LIN52: variants seen among roughly 807,000 people sequenced by gnomAD.
LIN52 encodes lin-52 DREAM MuvB core complex component.
In LIN52, 4 loss-of-function variants were observed where a neutral mutation model predicts 18.5. The observed-to-expected ratio is 0.22, with a 90% CI of 0.11 to 0.49. LIN52 has a LOEUF of 0.49. Among genes scored for constraint, LIN52 ranks in the 20% least tolerant of loss-of-function variants. LIN52 has a pLI of 0.97. For synonymous variants in LIN52, 34 were observed against 45.5 expected (o/e 0.75, Z 1.02); for missense variants, 102 against 139.5 (o/e 0.73, Z 1.35).
intron 5 of LIN52, among the ~76,000 whole-genome samples, chr14:74,175,271 A>ATTT (rs946095847): frequency 6.7e-6 from 1 of 149,716 alleles, no homozygotes; most frequent in Admixed American, 6.7e-5. Context: ...TAAACTTCTA[A>ATTT]TTTTTTTTTT....
chr14:74,097,697 C>A, intron 3 of LIN52, 97 bp from the exon 4 acceptor site: 3 of 844,766 alleles, frequency 3.6e-6, no homozygotes, highest in Non-Finnish European at 5.7e-6. Context: ...CCCACCTTGG[C>A]AGCCACCGCA....
intron 1 of LIN52, among the ~76,000 whole-genome samples, chr14:74,088,662 T>C (rs895400713): frequency 3.9e-5 from 6 of 152,372 alleles, no homozygotes; most frequent in Non-Finnish European, 7.3e-5. Flanking sequence ...TCCTTTGGAA[T>C]ATTTGGCAAA....
At chr14:74,093,302 C>T (rs2060785515) in intron 2 of LIN52, among the ~76,000 whole-genome samples, 1 of 149,392 alleles carries the variant, frequency 6.7e-6, no homozygotes, top group Non-Finnish European at 1.5e-5. Context: ...AAAGCGTTTT[C>T]TCACCTTTTT....
chr14:74,103,332 G>T (rs2060872458), intron 5 of LIN52, among the ~76,000 whole-genome samples: 2 of 151,890 alleles, frequency 1.3e-5, no homozygotes, highest in Non-Finnish European at 1.5e-5. Flanking sequence ...GCTCACCTTG[G>T]CCTCCCAAAG....
chr14:74,119,160 CTTT>C (rs543503099), intron 5 of LIN52, among the ~76,000 whole-genome samples: 7 of 115,438 alleles, frequency 6.1e-5, no homozygotes, highest in Non-Finnish European at 8.8e-5. Flanking sequence ...GATTTTCTTT[CTTT>C]TTTTTTTTTT....
intron 2 of LIN52, 48 bp downstream of exon 2, chr14:74,091,354 G>T (rs760034730): frequency 8.2e-7 from 1 of 1,220,030 alleles, no homozygotes; most frequent in South Asian, 1.4e-5. Context: ...GAGAAACAAT[G>T]TTCCTTTTTA....
chr14:74,139,015 A>G (rs191866176), intron 5 of LIN52, among the ~76,000 whole-genome samples: 129 of 150,406 alleles, frequency 8.6e-4, no homozygotes, highest in African/African-American at 3.1e-3. Flanking sequence ...GGTGTCATCA[A>G]GGACTAAAGT....
intron 4 of LIN52, among the ~76,000 whole-genome samples, chr14:74,099,631 GT>G (rs893694225): frequency 1.3e-5 from 2 of 150,772 alleles, no homozygotes; most frequent in Non-Finnish European, 1.5e-5. Context: ...AGAGACTGGA[GT>G]TTTTTTTATT....
rs2060852366 is a variant in LIN52 at position 74,101,232 on chromosome 14, G to A, written c.277G>A (p.Asp93Asn). 4 of 1,607,598 alleles carry A rather than the reference G, an allele frequency of 2.5e-6. No individual in the cohort carries two copies. The highest frequency in any genetic ancestry group is 2.5e-6 in the Non-Finnish European group (3 of 1,177,842). ...GAACCTAGCCTATCAGCTGGGGCTGGATGAGTGTGAGTACCCCGATCGCAT... is the reference window on the plus strand; with the variant it reads ...GAACCTAGCCTATCAGCTGGGGCTGAATGAGTGTGAGTACCCCGATCGCAT... ...LQNLAYQLGL[D>N]ESREMTRGKF... Residue 93 changes from aspartate to asparagine, a missense_variant, in exon 5 of 6, where the codon GAT becomes AAT. Physicochemically the swap from Asp to Asn is conservative, Grantham distance 23. Coordinates refer to ENST00000555028, the MANE Select transcript of LIN52 (RefSeq NM_001024674.3).
At chr14:74,180,889 A>C (rs2061315553) in intron 5 of LIN52, among the ~76,000 whole-genome samples, 1 of 152,026 alleles carries the variant, frequency 6.6e-6, no homozygotes, top group Non-Finnish European at 1.5e-5. Context: ...CGGGAGAATC[A>C]CTTGAGCCAA....
intron 5 of LIN52, among the ~76,000 whole-genome samples, chr14:74,140,015 TTATA>T (rs2061120916): frequency 6.6e-6 from 1 of 152,140 alleles, no homozygotes; most frequent in African/African-American, 2.4e-5. Context: ...AGTGTATAGA[TTATA>T]TAATTAATAT....
intron 5 of LIN52, among the ~76,000 whole-genome samples, chr14:74,122,676 A>G (rs577616714): frequency 7.1e-4 from 108 of 151,962 alleles, no homozygotes; most frequent in Non-Finnish European, 1.4e-3. Flanking sequence ...GATCAGCCTG[A>G]CCAACATGGT....
intron 2 of LIN52, among the ~76,000 whole-genome samples, chr14:74,092,422 C>T (rs913768382): frequency 2.7e-5 from 4 of 149,414 alleles, no homozygotes; most frequent in African/African-American, 4.9e-5. Flanking sequence ...TCTCCTGCCT[C>T]GGCTCCCGAG....
intron 5 of LIN52, among the ~76,000 whole-genome samples, chr14:74,149,493 G>A (rs941910122): frequency 2.0e-5 from 3 of 152,142 alleles, no homozygotes; most frequent in South Asian, 2.1e-4. Context: ...GAGGTTATGC[G>A]TGGTATTCTC....
At chr14:74,112,081 T>C in intron 5 of LIN52, among the ~76,000 whole-genome samples, 1 of 152,118 alleles carries the variant, frequency 6.6e-6, no homozygotes, top group East Asian at 1.9e-4. Context: ...GGTTTCTCCA[T>C]GTTGGTCAGG....
intron 5 of LIN52, among the ~76,000 whole-genome samples, chr14:74,108,333 C>T (rs2060909198): frequency 6.6e-6 from 1 of 152,178 alleles, no homozygotes; most frequent in South Asian, 2.1e-4. Flanking sequence ...TGTGAACATT[C>T]AGGTTCAACC....
At chr14:74,092,816 C>G (rs545733960) in intron 2 of LIN52, among the ~76,000 whole-genome samples, 1 of 151,702 alleles carries the variant, frequency 6.6e-6, no homozygotes, top group Admixed American at 6.5e-5. Context: ...ACTCAGGAGG[C>G]TAAGGCACGA....
At chr14:74,108,842 T>C (rs571063428) in intron 5 of LIN52, among the ~76,000 whole-genome samples, 7 of 152,178 alleles carry the variant, frequency 4.6e-5, no homozygotes, top group Non-Finnish European at 8.8e-5. Flanking sequence ...AAAAGTTTTC[T>C]CTCATTCTAT....
chr14:74,112,873 G>A (rs1051385182), intron 5 of LIN52, among the ~76,000 whole-genome samples: 3 of 152,020 alleles, frequency 2.0e-5, no homozygotes, highest in Non-Finnish European at 2.9e-5. Flanking sequence ...GAGGAGAAAA[G>A]CTCTATGAGA....
Sources: gnomAD v4.1 joint callset for allele counts (sites outside exome capture counted in the v4.1 genomes callset) on GRCh38, gnomAD v4.1.1 for gene constraint, MANE v1.5 for transcripts, NCBI Gene and HGNC (gene_info 2026-07-23, HGNC 2026-07-21) for gene names.